SLC28A1: variants seen among roughly 807,000 people sequenced by gnomAD.
The protein encoded by SLC28A1 is sodium/nucleoside cotransporter 1.
Under a neutral mutation model 74.8 loss-of-function variants are expected in SLC28A1, and 64 were observed. That is an observed-to-expected ratio of 0.86 (90% CI 0.70 to 1.05). The LOEUF is 1.05. SLC28A1 is among the 50% of genes least tolerant of loss of function. The pLI is 0.00. For missense variants in SLC28A1, 828 were observed against 822.8 expected, an observed-to-expected ratio of 1.01 and a Z score of -0.08; for synonymous variants, 359 against 335.0, an observed-to-expected ratio of 1.07 and a Z score of -0.78.
intron 15 of SLC28A1, chr15:84,938,344 A>G (rs1052500847): frequency 1.3e-5 from 2 of 151,428 alleles, no homozygotes; most frequent in African/African-American, 4.9e-5. Flanking sequence ...TTTATTTTGA[A>G]TTTCTGTGAG....
At chr15:84,944,732 C>G in intron 17 of SLC28A1, 24 bp from the exon 18 acceptor site, 3 of 1,605,494 alleles carry the variant, frequency 1.9e-6, no homozygotes, top group Non-Finnish European at 2.6e-6. Flanking sequence ...GGGCCCTGCC[C>G]CACCCACCAC....
rs778920716 is a variant in SLC28A1 at position 84,935,125 on chromosome 15, G to GC, written c.1315dup (p.Leu439ProfsTer49). 11 of 1,614,044 alleles carry GC rather than the reference G, an allele frequency of 6.8e-6. No individual in the cohort carries two copies. Among genetic ancestry groups the GC allele is most frequent in the Non-Finnish European group, 9.3e-6 (11 of 1,180,012 alleles). Reference sequence around the variant, plus strand: ...CCAACCTGATTGCGTTCCTGGCTGTGCTGGACTTTATCAATGCTGCCCTCT... The same window carrying GC: ...CCAACCTGATTGCGTTCCTGGCTGTGCCTGGACTTTATCAATGCTGCCCTCT... On this transcript the variant is annotated frameshift_variant, in exon 14 of 19. Transcript: ENST00000394573. LOFTEE classifies it high-confidence loss of function.
rs571359150 is a variant in SLC28A1, at chr15:84,916,957, G to A, written c.796-1567G>A. Among the ~76,000 whole-genome samples the A allele has an allele frequency of 7.3e-5, 11 of 150,800 alleles. No homozygotes were observed. In the South Asian group the frequency reaches 2.3e-3, roughly 32 times the overall value. On this transcript the variant is annotated intron_variant, in intron 9 of 18. Transcript: ENST00000394573. ...GCAGGAGAATCACTTGAACCCAGGA[G>A]GCGGAGGCTGTAGTGAGCCGAGATC...
chr15:84,889,697 CTTCCTTCCTTCT>C (rs1965087361), intron 4 of SLC28A1, among the ~76,000 whole-genome samples: 9 of 41,238 alleles, frequency 2.2e-4, no homozygotes, highest in East Asian at 7.3e-4. Context: ...TCCTTCTTTC[CTTCCTTCCTTCT>C]TTCCTTCCTT....
chr15:84,887,601 G>C, intron 2 of SLC28A1, 144 bp from the exon 3 acceptor site: 1 of 1,521,184 alleles, frequency 6.6e-7, no homozygotes, highest in Non-Finnish European at 8.8e-7. Context: ...GCTCTGGGAT[G>C]GCATAGGTGG....
At chr15:84,961,039 C>T in the SLC28A1 span, among the ~76,000 whole-genome samples, 26 of 152,166 alleles carry the variant, frequency 1.7e-4, no homozygotes, top group Admixed American at 1.1e-3. Context: ...CACTTCTTCA[C>T]ATCCCTGTGT....
At chr15:84,892,545 A>G (rs370946880) in intron 5 of SLC28A1, among the ~76,000 whole-genome samples, 1 of 152,224 alleles carries the variant, frequency 6.6e-6, no homozygotes, top group Non-Finnish European at 1.5e-5. Flanking sequence ...CATGTTTGCC[A>G]TGGCTGTCAG....
intron 6 of SLC28A1, among the ~76,000 whole-genome samples, chr15:84,902,848 G>A (rs916583247): frequency 6.6e-6 from 1 of 151,574 alleles, no homozygotes; most frequent in African/African-American, 2.4e-5. Flanking sequence ...TCCTGCCTCA[G>A]CCTCCCAAGT....
At chr15:84,892,769 T>C (rs1469949328) in intron 5 of SLC28A1, among the ~76,000 whole-genome samples, 1 of 152,180 alleles carries the variant, frequency 6.6e-6, no homozygotes, top group African/African-American at 2.4e-5. Context: ...AGTGGCTTGC[T>C]TGCCTTAGGT....
At chr15:84,898,267 C>T (rs1280020814) in intron 6 of SLC28A1, among the ~76,000 whole-genome samples, 2 of 151,960 alleles carry the variant, frequency 1.3e-5, no homozygotes, top group East Asian at 1.9e-4. Context: ...AATTTTGTCT[C>T]AATAAAGCTG....
At chr15:84,890,333 C>T in intron 4 of SLC28A1, 110 bp from the exon 5 acceptor site, 1 of 794,660 alleles carries the variant, frequency 1.3e-6, no homozygotes, top group Non-Finnish European at 2.1e-6. Flanking sequence ...CAAGCCCTGG[C>T]TTGCCCCTGT....
chr15:84,894,880 T>C, intron 5 of SLC28A1, 60 bp from the exon 6 acceptor site: 1 of 1,548,614 alleles, frequency 6.5e-7, no homozygotes, highest in South Asian at 1.1e-5. Context: ...CGGGCGGGGC[T>C]GCAGGGTTCT....
chr15:84,965,919 A>C, the SLC28A1 span, among the ~76,000 whole-genome samples: 1 of 149,884 alleles, frequency 6.7e-6, no homozygotes, highest in African/African-American at 2.5e-5. Flanking sequence ...GGGAAATATT[A>C]GGCTGCTGGA....
At chr15:84,895,947 C>T in intron 6 of SLC28A1, 1 of 986,216 alleles carries the variant, frequency 1.0e-6, no homozygotes, top group Non-Finnish European at 1.2e-6. Flanking sequence ...ATGATTTGAG[C>T]CAGCCTGTGG....
chr15:84,917,852 C>CT (rs2141891816), intron 9 of SLC28A1, among the ~76,000 whole-genome samples: 1 of 152,186 alleles, frequency 6.6e-6, no homozygotes, highest in Admixed American at 6.5e-5. Flanking sequence ...AAGCAACCTC[C>CT]TTTTCCATGG....
chr15:84,966,203 G>A, the SLC28A1 span, among the ~76,000 whole-genome samples: 1 of 152,036 alleles, frequency 6.6e-6, no homozygotes, highest in Non-Finnish European at 1.5e-5. Context: ...TCAGCCTCCT[G>A]AGTAGCTGGG....
At chr15:84,944,999 G>C in intron 18 of SLC28A1, 126 bp from the exon 19 acceptor site, 3 of 1,092,266 alleles carry the variant, frequency 2.7e-6, no homozygotes, top group Non-Finnish European at 4.2e-6. Flanking sequence ...GGAGGTGAAG[G>C]CTCGAGGACC....
At chr15:84,965,849 G>T in the SLC28A1 span, among the ~76,000 whole-genome samples, 5 of 146,840 alleles carry the variant, frequency 3.4e-5, no homozygotes, top group South Asian at 1.1e-3. Context: ...CCAAGTGGAA[G>T]CCACATACTG....
intron 15 of SLC28A1, among the ~76,000 whole-genome samples, chr15:84,936,829 G>C (rs1463473808): frequency 1.3e-5 from 2 of 152,054 alleles, no homozygotes; most frequent in Non-Finnish European, 2.9e-5. Flanking sequence ...AAGGTGGGAG[G>C]ATCACTTGAG....
Sources: gnomAD v4.1 joint callset for allele counts (sites outside exome capture counted in the v4.1 genomes callset) on GRCh38, gnomAD v4.1.1 for gene constraint, MANE v1.5 for transcripts, NCBI Gene and HGNC (gene_info 2026-07-23, HGNC 2026-07-21) for gene names.